The following BMPR1B variants were observed in gnomAD, a reference collection of about 807,000 sequenced individuals.
BMPR1B encodes bone morphogenetic protein receptor type 1B.
A neutral mutation model predicts 59.1 loss-of-function variants in BMPR1B; 12 were observed. The observed-to-expected ratio is 0.20, with a 90% CI of 0.13 to 0.33. BMPR1B has a LOEUF of 0.33. Among genes scored for constraint, BMPR1B ranks in the 10% least tolerant of loss-of-function variants. The pLI, the probability that BMPR1B is intolerant of heterozygous loss-of-function variation, is 1.00. For synonymous variants in BMPR1B, 237 were observed against 207.3 expected (o/e 1.14, Z -1.23); for missense variants, 550 against 610.9 (o/e 0.90, Z 1.05).
At chr4:94,955,875 T>A (rs1168683667) in intron 2 of BMPR1B, among the ~76,000 whole-genome samples, 1 of 152,030 alleles carries the variant, frequency 6.6e-6, no homozygotes, top group African/African-American at 2.4e-5. Context: ...GTGATCCGCC[T>A]GCCTCGGCCT....
chr4:94,935,861 C>A (rs1578821687), intron 2 of BMPR1B, among the ~76,000 whole-genome samples: 1 of 152,136 alleles, frequency 6.6e-6, no homozygotes, highest in East Asian at 1.9e-4. Context: ...CATATGATTT[C>A]AGGGGAAAAT....
chr4:94,961,056 C>G (rs1416834440), intron 2 of BMPR1B, among the ~76,000 whole-genome samples: 1 of 152,064 alleles, frequency 6.6e-6, no homozygotes, highest in Non-Finnish European at 1.5e-5. Context: ...CCTTAACAGA[C>G]CTGTCTGTTA....
intron 3 of BMPR1B, among the ~76,000 whole-genome samples, chr4:95,066,282 A>G (rs1205435423): frequency 6.6e-6 from 1 of 152,212 alleles, no homozygotes; most frequent in Admixed American, 6.5e-5. Context: ...TGTACTGACA[A>G]GCCCTTCTCA....
rs1553945315 is a variant in BMPR1B, at chr4:95,149,035, C to T, written c.1252+112C>T. The T allele has an allele frequency of 2.9e-6, 4 of 1,398,240 alleles. No homozygotes were observed. In the South Asian group the frequency reaches 4.7e-5, roughly 16 times the overall value. The allele number at this position is 1,398,240 out of a possible 1,614,324, so 86.6% of individuals were successfully genotyped here. A position where few individuals can be genotyped will look rare whatever the true frequency, so the allele number is the denominator to read the frequency against. On this transcript the variant is annotated intron_variant, in intron 11 of 12. Transcript: ENST00000515059. ...GTCTATAAGATCTGGTTTTATTTTC[C>T]CCTTTATTTCTGTTGATGCAGTCAT...
intron 2 of BMPR1B, among the ~76,000 whole-genome samples, chr4:94,977,247 C>T (rs1731064575): frequency 6.6e-6 from 1 of 152,100 alleles, no homozygotes; most frequent in African/African-American, 2.4e-5. Context: ...TACATATGCC[C>T]TTAACATCTT....
chr4:94,897,019 G>T (rs1302878778), intron 2 of BMPR1B, among the ~76,000 whole-genome samples: 1 of 152,028 alleles, frequency 6.6e-6, no homozygotes, highest in Non-Finnish European at 1.5e-5. Context: ...TCCTAGGGAA[G>T]CCTGAGATAT....
intron 3 of BMPR1B, among the ~76,000 whole-genome samples, chr4:95,084,809 C>T (rs959796836): frequency 2.0e-5 from 3 of 152,278 alleles, no homozygotes; most frequent in South Asian, 2.1e-4. Context: ...ACAAATGTAT[C>T]GTGAGAACCT....
intron 1 of BMPR1B, among the ~76,000 whole-genome samples, chr4:94,775,863 G>T (rs72884127): frequency 0.01 from 1,539 of 152,242 alleles, 19 homozygotes; most frequent in African/African-American, 0.035. Flanking sequence ...AGGCGGAGGC[G>T]GGCAGATCGT....
chr4:94,774,104 G>C (rs1722282809), intron 1 of BMPR1B, among the ~76,000 whole-genome samples: 1 of 151,976 alleles, frequency 6.6e-6, no homozygotes, highest in South Asian at 2.1e-4. Flanking sequence ...GATTTCAGAG[G>C]TATTTTCTAG....
intron 1 of BMPR1B, among the ~76,000 whole-genome samples, chr4:94,794,800 T>C (rs1723123856): frequency 6.6e-6 from 1 of 150,416 alleles, no homozygotes; most frequent in African/African-American, 2.5e-5. Context: ...GGGAGTTCAC[T>C]CATGATTTGG....
chr4:95,141,346 GC>G (rs1734217088), intron 10 of BMPR1B, among the ~76,000 whole-genome samples: 1 of 152,054 alleles, frequency 6.6e-6, no homozygotes, highest in South Asian at 2.1e-4. Flanking sequence ...CTTACCCTGT[GC>G]TGAATTCTCT....
In BMPR1B at chr4:95,154,640, C is replaced by T. The variant is rs140430323; in HGVS notation, c.1476C>T (p.Ala492=). 2.9e-4 allele frequency: 461 copies of T among 1,614,042 alleles called. 1 individual carries two copies. In the African/African-American group the frequency reaches 5.5e-3, roughly 19 times the overall value. The change falls in exon 13 of 13, where the codon GCC becomes GCT. Residue 492 remains alanine, a synonymous_variant. Transcript: ENST00000515059. ...LTALRVKKTL[A]KMSESQDIKL ...CCCTGCGGGTTAAGAAAACACTTGC[C>T]AAAATGTCAGAGTCCCAGGACATTA...
chr4:95,064,327 T>C (rs912150179), intron 3 of BMPR1B, among the ~76,000 whole-genome samples: 9 of 152,194 alleles, frequency 5.9e-5, no homozygotes, highest in African/African-American at 1.7e-4. Flanking sequence ...CATTATCGCC[T>C]GAGTTGTGCC....
intron 1 of BMPR1B, among the ~76,000 whole-genome samples, chr4:94,775,788 C>G (rs567595713): frequency 6.6e-6 from 1 of 152,176 alleles, no homozygotes; most frequent in Admixed American, 6.5e-5. Context: ...ATTATTACTA[C>G]GGTTAGAAAT....
rs548372602 is a variant in BMPR1B at position 95,029,365 on chromosome 4, G to A, written c.-18+33231G>A. On this transcript the variant is annotated intron_variant, in intron 3 of 12. Transcript: ENST00000515059. ...ATGTGGTATTTGGTTTTTTGTCCTT[G>A]CGATAGTTTACTGAGAATAATGATT... Among the ~76,000 whole-genome samples, 37 of 150,084 alleles carry A rather than the reference G, an allele frequency of 2.5e-4. No individual in the cohort carries two copies. The South Asian group carries it at 6.9e-3, about 28-fold the overall frequency.
chr4:94,800,369 G>A (rs1046877591), intron 1 of BMPR1B, among the ~76,000 whole-genome samples: 5 of 151,824 alleles, frequency 3.3e-5, no homozygotes, highest in African/African-American at 1.2e-4. Context: ...TTGGTAAATT[G>A]CCAAGTGTAG....
At chr4:94,813,840 A>G (rs1219370819) in intron 1 of BMPR1B, among the ~76,000 whole-genome samples, 8 of 152,146 alleles carry the variant, frequency 5.3e-5, no homozygotes, top group African/African-American at 1.9e-4. Context: ...GATATGTGGC[A>G]TGAAAAGGAG....
chr4:94,912,407 G>C (rs1370030701), intron 2 of BMPR1B, among the ~76,000 whole-genome samples: 2 of 152,120 alleles, frequency 1.3e-5, no homozygotes, highest in African/African-American at 2.4e-5. Context: ...AGAGATTCAA[G>C]CTGATAGACA....
At chr4:95,136,424 T>C (rs1289055795) in intron 10 of BMPR1B, among the ~76,000 whole-genome samples, 4 of 152,196 alleles carry the variant, frequency 2.6e-5, no homozygotes, top group Non-Finnish European at 5.9e-5. Context: ...GCTGGCCTCA[T>C]AAAATGGGTT....
Sources: allele counts gnomAD v4.1 joint callset (sites outside exome capture counted in the v4.1 genomes callset), GRCh38; gene constraint gnomAD v4.1.1; transcripts MANE v1.5; gene names NCBI Gene and HGNC (gene_info 2026-07-23, HGNC 2026-07-21).